The following TNIP1 variants were observed in gnomAD, a reference collection of about 807,000 sequenced individuals.
The protein encoded by TNIP1 is TNFAIP3-interacting protein 1.
A neutral mutation model predicts 86.6 loss-of-function variants in TNIP1; 22 were observed. The ratio of observed to expected loss-of-function variants is 0.25; its 90% CI spans 0.18 to 0.36. The LOEUF (loss-of-function observed/expected upper bound fraction) is 0.36. Ranked by LOEUF, TNIP1 falls within the 10% of genes least tolerant of loss-of-function variation. The pLI is 1.00. For synonymous variants in TNIP1, 294 were observed against 313.0 expected, an observed-to-expected ratio of 0.94 and a Z score of 0.64; for missense variants, 709 against 820.6, an observed-to-expected ratio of 0.86 and a Z score of 1.66.
intron 8 of TNIP1, among the ~76,000 whole-genome samples, chr5:151,048,052 A>G (rs1397240539): frequency 1.3e-5 from 2 of 152,210 alleles, no homozygotes; most frequent in Non-Finnish European, 2.9e-5. Flanking sequence ...AGCACCAAGG[A>G]GCAAGGTGAG....
chr5:151,059,866 T>TGTGTGTGCGC (rs142393672), intron 5 of TNIP1, among the ~76,000 whole-genome samples: 2 of 82,694 alleles, frequency 2.4e-5, no homozygotes, highest in Non-Finnish European at 4.6e-5. Context: ...TGTGTGTGTG[T>TGTGTGTGCGC]GCGCGCGCGC....
intron 5 of TNIP1, among the ~76,000 whole-genome samples, chr5:151,058,324 C>A (rs1306728130): frequency 1.3e-5 from 2 of 152,234 alleles, no homozygotes; most frequent in Non-Finnish European, 2.9e-5. Flanking sequence ...TTCAGAAAGT[C>A]CCAAACTAGT....
intron 1 of TNIP1, among the ~76,000 whole-genome samples, chr5:151,076,939 A>G (rs1763463194): frequency 6.6e-6 from 1 of 152,234 alleles, no homozygotes; most frequent in Non-Finnish European, 1.5e-5. Flanking sequence ...AGCAAAGGAC[A>G]ACTCATCCAG....
At chr5:151,058,361 G>A (rs983242232) in intron 5 of TNIP1, among the ~76,000 whole-genome samples, 7 of 152,208 alleles carry the variant, frequency 4.6e-5, no homozygotes, top group African/African-American at 9.7e-5. Flanking sequence ...AAAGCACACC[G>A]TGGGCCAGAT....
At chr5:151,084,595 T>G (rs914861547), upstream of TNIP1, among the ~76,000 whole-genome samples, 6 of 152,276 alleles carry the variant, frequency 3.9e-5, no homozygotes, top group Non-Finnish European at 7.4e-5. Context: ...CAAGTATCCT[T>G]CTCCCAGCAC....
chr5:151,061,797 G>A (rs1000754219), intron 4 of TNIP1, among the ~76,000 whole-genome samples: 3 of 152,214 alleles, frequency 2.0e-5, no homozygotes, highest in Non-Finnish European at 4.4e-5. Context: ...TAGTTTCTGA[G>A]CCCTCTTTGA....
chr5:151,087,452 C>G (rs947351126), upstream of TNIP1: 1 of 152,430 alleles, frequency 6.6e-6, no homozygotes, highest in African/African-American at 2.4e-5. Context: ...TGGGCTGGGG[C>G]AACCTGGCCT....
intron 1 of TNIP1, among the ~76,000 whole-genome samples, 188 bp downstream of exon 1, chr5:151,080,692 C>A (rs1427995733): frequency 6.6e-6 from 1 of 152,204 alleles, no homozygotes; most frequent in African/African-American, 2.4e-5. Flanking sequence ...CCAGGCCCAG[C>A]GCCAAGCAGG....
chr5:151,044,627 G>T (rs571273283), intron 9 of TNIP1, among the ~76,000 whole-genome samples: 4 of 152,306 alleles, frequency 2.6e-5, no homozygotes, highest in African/African-American at 9.6e-5. Context: ...ATGTGCGGGA[G>T]GACAAGGGGA....
At chr5:151,086,687 CACAA>C (rs1271920957) in intron 1 of TNIP1, among the ~76,000 whole-genome samples, 2 of 152,240 alleles carry the variant, frequency 1.3e-5, no homozygotes, top group African/African-American at 4.8e-5. Flanking sequence ...TTCTCACACA[CACAA>C]ACACCCACAT....
intron 11 of TNIP1, among the ~76,000 whole-genome samples, chr5:151,040,664 A>G (rs1190012611): frequency 5.3e-5 from 8 of 152,188 alleles, no homozygotes; most frequent in Admixed American, 5.2e-4. Flanking sequence ...CTGTGCACTC[A>G]TAAGGAAAGA....
At chr5:151,068,150 T>C (rs1405929850) in intron 1 of TNIP1, among the ~76,000 whole-genome samples, 1 of 152,092 alleles carries the variant, frequency 6.6e-6, no homozygotes, top group Admixed American at 6.5e-5. Context: ...TATCCTATTG[T>C]GGGAAAACCC....
At chr5:151,049,499 C>A (rs1156572142) in intron 8 of TNIP1, among the ~76,000 whole-genome samples, 2 of 152,166 alleles carry the variant, frequency 1.3e-5, no homozygotes, top group African/African-American at 4.8e-5. Flanking sequence ...CTAAGACAGA[C>A]CTTGACAAAC....
chr5:151,052,343 T>C (rs1760052993), intron 6 of TNIP1, 84 bp from the exon 7 acceptor site: 2 of 1,134,024 alleles, frequency 1.8e-6, no homozygotes, highest in East Asian at 2.5e-5. Context: ...GTGGGGGGCC[T>C]GTAGCCACCC....
intron 1 of TNIP1, among the ~76,000 whole-genome samples, chr5:151,079,621 CAAA>C (rs5872189): frequency 1.4e-5 from 2 of 143,050 alleles, no homozygotes. Context: ...GACTCTGTCT[CAAA>C]AAAAAAAAAA....
At chr5:151,047,235 C>T (rs937465759) in intron 8 of TNIP1, among the ~76,000 whole-genome samples, 9 of 152,220 alleles carry the variant, frequency 5.9e-5, no homozygotes, top group African/African-American at 2.2e-4. Flanking sequence ...GTACACAGAA[C>T]GTCACCTCCG....
In TNIP1 at chr5:151,030,575, T is replaced by A. The variant is rs1306003042; in HGVS notation, c.*138A>T. The A allele has an allele frequency of 3.5e-6, 5 of 1,434,864 alleles. No individual in the cohort carries two copies. Among genetic ancestry groups the A allele is most frequent in the Non-Finnish European group, 4.8e-6 (5 of 1,040,224 alleles). 88.9% of individuals were successfully genotyped at this position (1,434,864 alleles called of 1,614,324 possible). A position where few individuals can be genotyped will look rare whatever the true frequency, so the allele number is the denominator to read the frequency against. On this transcript the variant is annotated 3_prime_UTR_variant, in exon 18 of 18. Coordinates refer to ENST00000521591, the MANE Select transcript of TNIP1 (RefSeq NM_006058.5). The stretch of plus-strand genomic sequence containing the variant: ...AAACAGCTCAGTTCAGGGACTGGTG[T>A]ACAAGCTGGCCACCCATCTCAGCCT...
In TNIP1 at chr5:151,045,869, G is replaced by A. The variant is rs376603482; in HGVS notation, c.928C>T (p.Arg310Cys). The A allele has an allele frequency of 2.2e-5, 35 of 1,613,836 alleles. No individual in the cohort carries two copies. The highest frequency in any genetic ancestry group is 2.9e-5 in the Non-Finnish European group (34 of 1,180,022). Reference sequence around the variant, plus strand: ...CCACCTCGGCCACCTACCTCACTGCGCTGCTGCTCCAGCATCTTCACCTTC... The same window carrying A: ...CCACCTCGGCCACCTACCTCACTGCACTGCTGCTCCAGCATCTTCACCTTC... ...EKKVKMLEQQ[R>C]SELLEVNKQW... Residue 310 changes from arginine (R) to cysteine (C), a missense_variant, in exon 9 of 18, where the codon CGC becomes TGC. Coordinates refer to ENST00000521591, the MANE Select transcript of TNIP1 (RefSeq NM_006058.5).
At chr5:151,069,752 C>T (rs1290035872) in intron 1 of TNIP1, among the ~76,000 whole-genome samples, 3 of 152,122 alleles carry the variant, frequency 2.0e-5, no homozygotes, top group Non-Finnish European at 4.4e-5. Context: ...CAGAACAGAA[C>T]GTCAGAGAGG....
Sources: allele counts gnomAD v4.1 joint callset (sites outside exome capture counted in the v4.1 genomes callset), GRCh38; gene constraint gnomAD v4.1.1; transcripts MANE v1.5; gene names NCBI Gene and HGNC (gene_info 2026-07-23, HGNC 2026-07-21).